The following OTUD4 variants were observed in gnomAD, a reference collection of about 807,000 sequenced individuals.
The protein encoded by OTUD4 is OTU deubiquitinase 4, also known as OTU domain-containing protein 4.
In OTUD4, 24 loss-of-function variants were observed where a neutral mutation model predicts 130.4. The observed-to-expected ratio is 0.18, with a 90% CI of 0.13 to 0.26. The LOEUF is 0.26. OTUD4 is among the 10% of genes least tolerant of loss of function. The pLI is 1.00. For synonymous variants in OTUD4, 420 were observed against 472.5 expected (o/e 0.89, Z 1.44); for missense variants, 1,031 against 1,329.4 (o/e 0.78, Z 3.49).
In OTUD4 at chr4:145,144,302, A is replaced by T. The variant is rs1579247434; in HGVS notation, c.1546+9T>A. On this transcript the variant is annotated intron_variant, in intron 15 of 20. Transcript: ENST00000447906. ...CTAGCATCTGCTTTCTAATGATGAG[A>T]TAACTTACCTTTGTCTTTTCGTTCT... 1.2e-6 allele frequency: 2 copies of T among 1,608,342 alleles called. No homozygotes were observed. The highest frequency in any genetic ancestry group is 2.2e-5 in the South Asian group (2 of 89,658).
At position 145,155,575 on chromosome 4, in the gene OTUD4, T is replaced by C. The variant is rs749184023; in HGVS notation, c.802A>G (p.Lys268Glu). The C allele has an allele frequency of 3.1e-6, 5 of 1,608,066 alleles. No homozygotes were observed. The highest frequency in any genetic ancestry group is 2.7e-5 in the African/African-American group (2 of 74,704). ...ATGCAGATTTTTAACTCACCTTGTT[T>C]AGACTTCAGCCAAATTTCATATTCC... is the stretch of plus-strand genomic sequence containing the variant. Reference protein sequence around the residue: ...NVEYEIWLKSKQAQQKRDYSI... With the variant: ...NVEYEIWLKSEQAQQKRDYSI... The change falls in exon 9 of 21, where the codon AAA (lysine) becomes GAA (glutamate). Residue 268 changes from lysine (K) to glutamate (E), a missense_variant. By Grantham distance (56) the Lys-to-Glu change is moderately conservative. Around this residue, in one of 3 missense-constraint regions of OTUD4, gnomAD observed 900 missense variants for 1,095.9 expected, o/e 0.82. Coordinates refer to ENST00000447906, the MANE Select transcript of OTUD4 (RefSeq NM_001366057.1).
chr4:145,171,843 ATTAT>A (rs1752183778), intron 2 of OTUD4, 123 bp from the exon 3 acceptor site: 2 of 652,074 alleles, frequency 3.1e-6, no homozygotes, highest in Non-Finnish European at 5.5e-6. Context: ...ATACCTCAGT[ATTAT>A]TTAAAAATAT....
At chr4:145,176,484 G>A (rs1752431764) in intron 1 of OTUD4, among the ~76,000 whole-genome samples, 1 of 150,264 alleles carries the variant, frequency 6.7e-6, no homozygotes, top group African/African-American at 2.4e-5. Context: ...TCAGGAGTTT[G>A]AGACTAGCCT....
chr4:145,138,682 A>C (rs775082267), intron 20 of OTUD4, 32 bp from the exon 21 acceptor site: 3 of 1,557,434 alleles, frequency 1.9e-6, no homozygotes, highest in Non-Finnish European at 2.6e-6. Flanking sequence ...AAATAAACAA[A>C]AGAGGAGAAA....
intron 14 of OTUD4, 127 bp downstream of exon 14, chr4:145,146,140 A>G: frequency 1.9e-6 from 1 of 512,970 alleles, no homozygotes; most frequent in Middle Eastern, 4.4e-4. Context: ...AATGTGAAAA[A>G]TGTGATCTTT....
At chr4:145,145,327 T>C (rs990624166) in intron 14 of OTUD4, among the ~76,000 whole-genome samples, 12 of 152,326 alleles carry the variant, frequency 7.9e-5, no homozygotes, top group African/African-American at 2.9e-4. Context: ...ACTTCAATTA[T>C]TCCTAAATGG....
chr4:145,151,241 T>C (rs1468945082), intron 11 of OTUD4, among the ~76,000 whole-genome samples: 1 of 152,188 alleles, frequency 6.6e-6, no homozygotes, highest in African/African-American at 2.4e-5. Context: ...TAGAGAAACA[T>C]ATAAACATCT....
At chr4:145,159,466 T>C (rs754451835) in intron 7 of OTUD4, 37 bp downstream of exon 7, 1 of 1,611,126 alleles carries the variant, frequency 6.2e-7, no homozygotes, top group Non-Finnish European at 8.5e-7. Context: ...TTTCCTTGTA[T>C]GGCACTAAGA....
intron 10 of OTUD4, among the ~76,000 whole-genome samples, chr4:145,154,014 G>T (rs1313969356): frequency 6.6e-6 from 1 of 152,162 alleles, no homozygotes; most frequent in East Asian, 1.9e-4. Flanking sequence ...GGAAAAAAAT[G>T]AAAGCATGTG....
rs1281663385 is a variant in OTUD4 at position 145,138,296 on chromosome 4, A to G, written c.2479T>C (p.Tyr827His). Residue 827 changes from tyrosine to histidine, a missense_variant, in exon 21 of 21, where the codon TAT becomes CAT. By Grantham distance (83) the Tyr-to-His change is moderately conservative. Transcript: ENST00000447906. ...ETPGQLLHAD[Y>H]EESLSGKNMF... ...TTCTTGCCACTTAGTGACTCTTCAT[A>G]ATCAGCATGCAGAAGCTGCCCAGGG... is the stretch of plus-strand genomic sequence containing the variant. 6.2e-7 allele frequency: 1 copy of G among 1,614,094 alleles called. No individual in the cohort carries two copies. The highest frequency in any genetic ancestry group is 8.5e-7 in the Non-Finnish European group (1 of 1,179,954).
chr4:145,148,748 T>C (rs1441331308), intron 13 of OTUD4, among the ~76,000 whole-genome samples: 1 of 152,172 alleles, frequency 6.6e-6, no homozygotes, highest in Non-Finnish European at 1.5e-5. Flanking sequence ...TGTCAAAAAA[T>C]GGGAATATTA....
rs548605581 is a variant in OTUD4 at position 145,138,246 on chromosome 4, T to G, written c.2529A>C (p.Gly843=). 4.4e-5 allele frequency: 71 copies of G among 1,613,924 alleles called. 1 individual carries two copies. In the South Asian group the frequency reaches 7.7e-4, roughly 17 times the overall value. ...GAACTGGGCCTAAGAATGGATTGGG[T>G]CCAAAAGATGGCTGGGGGAACATAT... ...GKNMFPQPSF[G]PNPFLGPVPI... is the part of the protein sequence containing the mutation. The change falls in exon 21 of 21, where the codon GGA becomes GGC. Residue 843 remains glycine (G), a synonymous_variant. Transcript: ENST00000447906.
At chr4:145,164,404 T>C (rs183096485) in intron 4 of OTUD4, among the ~76,000 whole-genome samples, 178 bp from the exon 5 acceptor site, 185 of 152,228 alleles carry the variant, frequency 1.2e-3, no homozygotes, top group African/African-American at 4.1e-3. Flanking sequence ...GTAACCTTTT[T>C]AACATGTAAA....
chr4:145,138,946 G>A (rs1309297394), intron 20 of OTUD4, among the ~76,000 whole-genome samples: 5 of 151,990 alleles, frequency 3.3e-5, no homozygotes, highest in East Asian at 1.9e-4. Flanking sequence ...ATTCACATTC[G>A]GGCTCTACCA....
rs36226325 is a variant in OTUD4 at position 145,146,504 on chromosome 4, A to G, written c.1260-75T>C. 1,223 of 973,566 alleles carry G rather than the reference A, an allele frequency of 1.3e-3. 3 individuals are homozygous for G. Among genetic ancestry groups the G allele is most frequent in the Middle Eastern group, 4.9e-3 (14 of 2,846 alleles). 60.3% of individuals were successfully genotyped at this position (973,566 alleles called of 1,614,324 possible). ...TAAATAAATAAAACATTCTTGTCAAAAAAAAAAAACACAAAACTGTACTGA... is the reference window on the plus strand; with the variant it reads ...TAAATAAATAAAACATTCTTGTCAAGAAAAAAAAACACAAAACTGTACTGA... On this transcript the variant is annotated intron_variant, in intron 13 of 20. Transcript: ENST00000447906.
chr4:145,177,466 A>G (rs1167499331), intron 1 of OTUD4, among the ~76,000 whole-genome samples: 1 of 152,262 alleles, frequency 6.6e-6, no homozygotes, highest in African/African-American at 2.4e-5. Context: ...TCTAAAATGT[A>G]AATTATTGTG....
At chr4:145,171,982 G>A (rs1474021334) in intron 2 of OTUD4, among the ~76,000 whole-genome samples, 2 of 152,248 alleles carry the variant, frequency 1.3e-5, no homozygotes, top group Non-Finnish European at 2.9e-5. Context: ...GATGAATGCT[G>A]GACAGGATCT....
At chr4:145,161,481 C>A (rs1227327600) in intron 6 of OTUD4, among the ~76,000 whole-genome samples, 1 of 152,214 alleles carries the variant, frequency 6.6e-6, no homozygotes, top group African/African-American at 2.4e-5. Flanking sequence ...CCCAGCACCA[C>A]TGCTTTATGA....
Position 145,133,813 on chromosome 4 carries a change from C to A in OTUD4, c.*3617G>T, listed in dbSNP as rs948598601. 1 of 152,490 alleles carries A rather than the reference C, an allele frequency of 6.6e-6. No individual in the cohort carries two copies. The highest frequency in any genetic ancestry group is 2.4e-5 in the African/African-American group (1 of 41,404). 9.4% of individuals were successfully genotyped at this position (152,490 alleles called of 1,614,324 possible). A position where few individuals can be genotyped will look rare whatever the true frequency, so the allele number is the denominator to read the frequency against. On this transcript the variant is annotated 3_prime_UTR_variant, in exon 21 of 21. Transcript: ENST00000447906. ...TAAACAGGAATATATTCAACACTTA[C>A]AAAAAGTGATATGATAAAGAATATA...
Sources: gnomAD v4.1 joint callset for allele counts (sites outside exome capture counted in the v4.1 genomes callset) on GRCh38, gnomAD v4.1.1 for gene constraint, gnomAD v4.1.1 regional missense constraint, MANE v1.5 for transcripts, NCBI Gene and HGNC (gene_info 2026-07-23, HGNC 2026-07-21) for gene names.